Variants in UQCC1 observed in about 807,000 individuals in gnomAD.
UQCC1 encodes the protein ubiquinol-cytochrome c reductase complex assembly factor 1.
UQCC1 carries 38 observed loss-of-function variants against 48.0 expected under a neutral mutation model. The observed-to-expected ratio is 0.79, with a 90% CI of 0.61 to 1.04. UQCC1 has a LOEUF of 1.04. Among genes scored for constraint, UQCC1 ranks in the 50% least tolerant of loss-of-function variants. UQCC1 has a pLI of 0.00. For missense variants in UQCC1, 368 were observed against 381.8 expected (o/e 0.96, Z 0.30); for synonymous variants, 111 against 129.2 (o/e 0.86, Z 0.95).
chr20:35,319,017 A>AT (rs1285535748), intron 7 of UQCC1, among the ~76,000 whole-genome samples: 8 of 152,212 alleles, frequency 5.3e-5, no homozygotes, highest in Non-Finnish European at 1.0e-4. Context: ...TTCTCTTATT[A>AT]AACTCATCCT....
intron 1 of UQCC1, among the ~76,000 whole-genome samples, chr20:35,411,082 AAC>A (rs1238922489): frequency 8.5e-5 from 13 of 152,146 alleles, no homozygotes; most frequent in African/African-American, 2.9e-4. Flanking sequence ...TACTATGAAA[AAC>A]AGTGTCTTTG....
rs1174828900 is a variant in UQCC1, at chr20:35,303,876, ACTTCT to A, written c.*54_*58del. Reference sequence around the variant, plus strand: ...TCTGCAGGGTCCTGGACCAACAGGCACTTCTCTCCTGGAGGTTCCTCGAAGCCAGC... The same window carrying A: ...TCTGCAGGGTCCTGGACCAACAGGCACTCCTGGAGGTTCCTCGAAGCCAGC... On this transcript the variant is annotated 3_prime_UTR_variant, in exon 10 of 10. Coordinates refer to ENST00000374385, the MANE Select transcript of UQCC1 (RefSeq NM_018244.5). The A allele has an allele frequency of 2.5e-6, 4 of 1,612,726 alleles. No homozygotes were observed. In the African/African-American group the frequency reaches 5.3e-5, roughly 22 times the overall value.
At chr20:35,396,711 T>C (rs2062083799) in intron 1 of UQCC1, among the ~76,000 whole-genome samples, 1 of 152,100 alleles carries the variant, frequency 6.6e-6, no homozygotes, top group Non-Finnish European at 1.5e-5. Context: ...TTCAGAAAGG[T>C]CTCTTGGCCA....
rs1334341105 is a variant in UQCC1, at chr20:35,302,601, T to C, written c.*1334A>G. 1 of 152,254 alleles carries C rather than the reference T, an allele frequency of 6.6e-6. No homozygotes were observed. 9.4% of individuals were successfully genotyped at this position (152,254 alleles called of 1,614,324 possible). On this transcript the variant is annotated 3_prime_UTR_variant, in exon 10 of 10. Coordinates refer to ENST00000374385, the MANE Select transcript of UQCC1 (RefSeq NM_018244.5). Reference sequence around the variant, plus strand: ...AGTTAGGTACACACAGTAAAGTTTATTTTGGTGCATGGTATACTTCACTCC... The same window carrying C: ...AGTTAGGTACACACAGTAAAGTTTACTTTGGTGCATGGTATACTTCACTCC...
intron 7 of UQCC1, 123 bp downstream of exon 7, chr20:35,347,041 A>AC (rs767028077): frequency 5.0e-6 from 8 of 1,605,546 alleles, no homozygotes; most frequent in Admixed American, 1.7e-5. Flanking sequence ...CGGAACTGCC[A>AC]CTTGATATTA....
At position 35,347,031 on chromosome 20, in the gene UQCC1, C is replaced by T. The variant is rs149340956; in HGVS notation, c.573+133G>A. On this transcript the variant is annotated intron_variant, in intron 7 of 9. Coordinates refer to ENST00000374385, the MANE Select transcript of UQCC1 (RefSeq NM_018244.5). ...ACAGAGGCAGAAAAAGTGACTTTAGCGGAACTGCCACTTGATATTAGGCAG... is the reference window on the plus strand; with the variant it reads ...ACAGAGGCAGAAAAAGTGACTTTAGTGGAACTGCCACTTGATATTAGGCAG... The T allele has an allele frequency of 1.0e-4, 159 of 1,593,316 alleles. No individual in the cohort carries two copies. In the African/African-American group the frequency reaches 1.4e-3, roughly 14 times the overall value.
chr20:35,329,550 T>C (rs1044043811), intron 7 of UQCC1, among the ~76,000 whole-genome samples: 1 of 152,200 alleles, frequency 6.6e-6, no homozygotes, highest in Non-Finnish European at 1.5e-5. Flanking sequence ...ACTCAGCATT[T>C]TGGGGGAAAC....
At chr20:35,308,556 C>T (rs1462557467) in intron 8 of UQCC1, among the ~76,000 whole-genome samples, 2 of 152,228 alleles carry the variant, frequency 1.3e-5, no homozygotes, top group Non-Finnish European at 2.9e-5. Context: ...AATTCATAAT[C>T]AGGAATTCCT....
intron 7 of UQCC1, among the ~76,000 whole-genome samples, chr20:35,327,770 G>C (rs1466181646): frequency 6.6e-6 from 1 of 152,184 alleles, no homozygotes; most frequent in South Asian, 2.1e-4. Context: ...GGGAGGTTAA[G>C]GCAGGCAGAT....
chr20:35,352,858 A>AT (rs2061504745), intron 6 of UQCC1, among the ~76,000 whole-genome samples: 2 of 151,938 alleles, frequency 1.3e-5, no homozygotes, highest in Admixed American at 1.3e-4. Context: ...AATTTTTTAA[A>AT]TTTTTTTGTA....
chr20:35,367,427 T>C (rs2061682673), intron 5 of UQCC1, among the ~76,000 whole-genome samples: 1 of 151,902 alleles, frequency 6.6e-6, no homozygotes, highest in South Asian at 2.1e-4. Flanking sequence ...GTACCCAATG[T>C]GCTATGGATA....
intron 7 of UQCC1, among the ~76,000 whole-genome samples, chr20:35,317,092 C>A (rs1476623209): frequency 2.0e-5 from 3 of 151,584 alleles, no homozygotes; most frequent in Non-Finnish European, 4.4e-5. Context: ...CCTGCCACCA[C>A]ACCTGGCTAA....
intron 8 of UQCC1, among the ~76,000 whole-genome samples, chr20:35,308,144 C>T (rs6058227): frequency 0.15 from 22,620 of 152,260 alleles, 2,369 homozygotes; most frequent in South Asian, 0.31. Context: ...AGGCCTGCTG[C>T]CAACAAGGGC....
chr20:35,303,857 G>C lies in UQCC1; in HGVS notation c.*78C>G. On this transcript the variant is annotated 3_prime_UTR_variant, in exon 10 of 10. Coordinates refer to ENST00000374385, the MANE Select transcript of UQCC1 (RefSeq NM_018244.5). ...AGGTCAGTTCAGGCCACTTTCTGCA[G>C]GGTCCTGGACCAACAGGCACTTCTC... is the stretch of plus-strand genomic sequence containing the variant. 6.2e-7 allele frequency: 1 copy of C among 1,601,496 alleles called. No individual in the cohort carries two copies. Among genetic ancestry groups the C allele is most frequent in the Non-Finnish European group, 8.5e-7 (1 of 1,170,868 alleles).
intron 1 of UQCC1, 135 bp from the exon 2 acceptor site, chr20:35,394,331 C>G (rs557061149): frequency 1.4e-6 from 1 of 735,472 alleles, no homozygotes; most frequent in African/African-American, 1.8e-5. Context: ...TGGCACAGAG[C>G]TCCTAAAACC....
chr20:35,338,892 A>AATATATATATATATATATATATATATAT (rs1555805505), intron 7 of UQCC1, among the ~76,000 whole-genome samples: 4 of 30,564 alleles, frequency 1.3e-4, no homozygotes, highest in African/African-American at 1.1e-3. Flanking sequence ...AAAAAAAAAA[A>AATATATATATATATATATATATATATAT]ATATATATAT....
chr20:35,334,147 T>C (rs1047586318), intron 7 of UQCC1, among the ~76,000 whole-genome samples: 63 of 152,210 alleles, frequency 4.1e-4, no homozygotes, highest in Middle Eastern at 3.2e-3. Context: ...GCTGGTGCTA[T>C]GGAGAAAACC....
At chr20:35,358,653 G>A (rs1043761881) in intron 6 of UQCC1, among the ~76,000 whole-genome samples, 1 of 151,972 alleles carries the variant, frequency 6.6e-6, no homozygotes, top group South Asian at 2.1e-4. Flanking sequence ...TCTGCCTCCC[G>A]GGTTCAAGAG....
intron 7 of UQCC1, among the ~76,000 whole-genome samples, chr20:35,326,308 G>C (rs775166908): frequency 9.9e-5 from 15 of 152,208 alleles, no homozygotes; most frequent in Non-Finnish European, 2.1e-4. Flanking sequence ...AGAAAGTGGA[G>C]AGAACAGAAA....
Sources: allele counts gnomAD v4.1 joint callset (sites outside exome capture counted in the v4.1 genomes callset), GRCh38; gene constraint gnomAD v4.1.1; transcripts MANE v1.5; gene names NCBI Gene and HGNC (gene_info 2026-07-23, HGNC 2026-07-21).